The following EPHB2 variants were observed in gnomAD, a reference collection of about 807,000 sequenced individuals.
EPHB2 encodes EPH receptor B2, also known as ephrin type-B receptor 2.
A neutral mutation model predicts 96.4 loss-of-function variants in EPHB2; 18 were observed. That is an observed-to-expected ratio of 0.19 (90% confidence interval 0.13 to 0.28). EPHB2 has a LOEUF of 0.28. EPHB2 is among the 10% of genes least tolerant of loss of function. The pLI is 1.00. For missense variants in EPHB2, 989 were observed against 1,355.4 expected, an observed-to-expected ratio of 0.73 and a Z score of 4.25; for synonymous variants, 506 against 534.1, an observed-to-expected ratio of 0.95 and a Z score of 0.72.
In EPHB2 at chr1:22,906,661, C is replaced by T; in HGVS notation, c.1889-49C>T. ...CATGACAGGGAACAGGAAGGTGGCC[C>T]TTCCACCTGGCAAGTGACATCCTGT... On this transcript the variant is annotated intron_variant, in intron 10 of 15. Transcript: ENST00000374630. This position sits in a 1 kb window ranked among gnomAD's most constrained non-coding sequence, Gnocchi z 4.8. 1 of 1,612,936 alleles carries T rather than the reference C, an allele frequency of 6.2e-7. No individual in the cohort carries two copies. The highest frequency in any genetic ancestry group is 8.5e-7 in the Non-Finnish European group (1 of 1,179,758).
chr1:22,834,924 CAAAAAAAT>C (rs1456383847), intron 3 of EPHB2, among the ~76,000 whole-genome samples: 1 of 148,920 alleles, frequency 6.7e-6, no homozygotes, highest in Non-Finnish European at 1.5e-5. Context: ...GACTCTGTCT[CAAAAAAAT>C]AAAAAAATAA....
At chr1:22,797,314 G>C (rs1280319614) in intron 3 of EPHB2, among the ~76,000 whole-genome samples, 1 of 152,154 alleles carries the variant, frequency 6.6e-6, no homozygotes, top group Non-Finnish European at 1.5e-5. Context: ...GTCAGTGGGA[G>C]ACATGGACGT....
At chr1:22,778,665 G>T (rs534031373) in intron 1 of EPHB2, among the ~76,000 whole-genome samples, 1 of 152,218 alleles carries the variant, frequency 6.6e-6, no homozygotes, top group Admixed American at 6.5e-5. Flanking sequence ...CGTTCCCTTT[G>T]TGTCTGCAAA....
intron 1 of EPHB2, among the ~76,000 whole-genome samples, chr1:22,729,532 C>G (rs1305379724): frequency 6.6e-6 from 1 of 152,216 alleles, no homozygotes; most frequent in East Asian, 1.9e-4. Context: ...CCACCTCAGT[C>G]TAGGGGTTCT....
At chr1:22,901,428 C>T (rs1235773988) in intron 9 of EPHB2, among the ~76,000 whole-genome samples, 3 of 152,228 alleles carry the variant, frequency 2.0e-5, no homozygotes, top group African/African-American at 7.2e-5. Context: ...CCAGAATTAG[C>T]AGCGGTGCCA....
chr1:22,868,473 T>C (rs1281215914), intron 5 of EPHB2, among the ~76,000 whole-genome samples: 2 of 152,216 alleles, frequency 1.3e-5, no homozygotes, highest in African/African-American at 4.8e-5. Context: ...ATATTTATTT[T>C]CTCACTCACT....
At chr1:22,894,353 T>C (rs1639485994) in intron 7 of EPHB2, among the ~76,000 whole-genome samples, 2 of 152,126 alleles carry the variant, frequency 1.3e-5, no homozygotes, top group South Asian at 4.1e-4. Flanking sequence ...ATCCCAGCAC[T>C]ATGGGAAGCC....
intron 11 of EPHB2, 80 bp downstream of exon 11, chr1:22,907,037 C>T: frequency 6.7e-7 from 1 of 1,493,512 alleles, no homozygotes; most frequent in Middle Eastern, 1.8e-4. Context: ...ACTGTCAGAG[C>T]CTGAAGGGGT....
intron 3 of EPHB2, among the ~76,000 whole-genome samples, chr1:22,861,189 A>G (rs758647816): frequency 2.2e-4 from 34 of 152,190 alleles, no homozygotes; most frequent in Admixed American, 1.3e-4. Context: ...TTTACAGATA[A>G]GGAAACAGTT....
At chr1:22,910,315 G>A in intron 13 of EPHB2, 67 bp from the exon 14 acceptor site, 1 of 1,597,612 alleles carries the variant, frequency 6.3e-7, no homozygotes. Context: ...GGGTAAGATG[G>A]GCCTGGCAGA....
chr1:22,742,680 A>AT (rs1643918753), intron 1 of EPHB2, among the ~76,000 whole-genome samples: 1 of 150,844 alleles, frequency 6.6e-6, no homozygotes, highest in South Asian at 2.1e-4. Flanking sequence ...CTAGTTTTTT[A>AT]TTTTTTGTAG....
chr1:22,864,586 C>T (rs1553171927), intron 4 of EPHB2, among the ~76,000 whole-genome samples: 1 of 152,166 alleles, frequency 6.6e-6, no homozygotes, highest in Non-Finnish European at 1.5e-5. Context: ...CTGGGCTGTT[C>T]TAAGGAAGAA....
intron 1 of EPHB2, among the ~76,000 whole-genome samples, chr1:22,730,349 T>C (rs1461486643): frequency 2.6e-5 from 4 of 151,828 alleles, no homozygotes; most frequent in African/African-American, 9.7e-5. Flanking sequence ...GGGTGGGAGG[T>C]GTCAGGGATC....
chr1:22,885,756 CG>C (rs1314120797), intron 6 of EPHB2, among the ~76,000 whole-genome samples: 7 of 114,220 alleles, frequency 6.1e-5, no homozygotes, highest in African/African-American at 1.3e-4. Flanking sequence ...CCATGGAGAA[CG>C]TTTAGGCATA....
At chr1:22,801,782 G>A (rs534655365) in intron 3 of EPHB2, among the ~76,000 whole-genome samples, 26 of 152,118 alleles carry the variant, frequency 1.7e-4, no homozygotes, top group Non-Finnish European at 2.4e-4. Context: ...GTCCCCTCCC[G>A]CCCCCTCGTG....
intron 1 of EPHB2, among the ~76,000 whole-genome samples, chr1:22,720,660 T>TCCCCCCCC (rs916713865): frequency 8.7e-5 from 5 of 57,398 alleles, no homozygotes; most frequent in Admixed American, 2.6e-4. Flanking sequence ...GAAATCTCAT[T>TCCCCCCCC]CCCCCCCCCC....
chr1:22,781,318 T>TAAAAAA, intron 1 of EPHB2, 103 bp from the exon 2 acceptor site: 1 of 891,556 alleles, frequency 1.1e-6, no homozygotes, highest in Non-Finnish European at 1.6e-6. Context: ...AGACTCCGTC[T>TAAAAAA]AAAAAAAAAA....
At chr1:22,899,509 AAG>A (rs1639683008) in intron 9 of EPHB2, among the ~76,000 whole-genome samples, 2 of 152,184 alleles carry the variant, frequency 1.3e-5, no homozygotes, top group Non-Finnish European at 1.5e-5. Context: ...CTCAAAAAAA[AAG>A]AAAAATAGTT....
intron 3 of EPHB2, among the ~76,000 whole-genome samples, chr1:22,789,071 A>G (rs1417520905): frequency 1.3e-5 from 2 of 152,050 alleles, no homozygotes; most frequent in African/African-American, 2.4e-5. Context: ...GCATTTTTAA[A>G]CAAGCAGTCC....
Sources: allele counts gnomAD v4.1 joint callset (sites outside exome capture counted in the v4.1 genomes callset), GRCh38; gene constraint gnomAD v4.1.1; non-coding constraint Gnocchi (gnomAD v3.1); transcripts MANE v1.5; gene names NCBI Gene and HGNC (gene_info 2026-07-23, HGNC 2026-07-21).